EXOC6: variants seen among roughly 807,000 people sequenced by gnomAD.
EXOC6 encodes SEC15-like 1.
A neutral mutation model predicts 112.5 loss-of-function variants in EXOC6; 60 were observed. The ratio of observed to expected loss-of-function variants is 0.53; its 90% CI spans 0.43 to 0.66. EXOC6 has a LOEUF of 0.66. EXOC6 is among the 30% of genes least tolerant of loss of function. EXOC6 has a pLI of 0.00. For synonymous variants in EXOC6, 295 were observed against 308.0 expected (o/e 0.96, Z 0.44); for missense variants, 855 against 957.1 (o/e 0.89, Z 1.41).
chr10:93,041,354 T>G (rs751185457), intron 20 of EXOC6, among the ~76,000 whole-genome samples: 1 of 152,214 alleles, frequency 6.6e-6, no homozygotes, highest in Non-Finnish European at 1.5e-5. Context: ...AGAACCGAAG[T>G]GGTGAATCTG....
chr10:92,911,615 G>A (rs933403917), intron 6 of EXOC6, among the ~76,000 whole-genome samples: 6 of 152,062 alleles, frequency 3.9e-5, no homozygotes, highest in Non-Finnish European at 5.9e-5. Flanking sequence ...TTATTTCTGG[G>A]AGAGAATAGA....
intron 1 of EXOC6, among the ~76,000 whole-genome samples, chr10:92,860,289 T>G (rs1433803284): frequency 2.0e-5 from 2 of 100,994 alleles, no homozygotes; most frequent in Non-Finnish European, 3.9e-5. Context: ...TTTTTTTTTT[T>G]GAGACAGAGT....
intron 17 of EXOC6, among the ~76,000 whole-genome samples, chr10:92,958,980 G>C (rs1382640247): frequency 2.0e-5 from 3 of 152,230 alleles, no homozygotes; most frequent in Admixed American, 1.3e-4. Context: ...TGTAATCCCA[G>C]CTACTCGGGA....
chr10:92,990,639 T>A (rs1564891190), intron 18 of EXOC6, among the ~76,000 whole-genome samples: 1 of 152,176 alleles, frequency 6.6e-6, no homozygotes, highest in Admixed American at 6.5e-5. Context: ...CTATTTTAAG[T>A]TCCAGGGTAC....
At chr10:92,936,079 A>G (rs1852322072) in intron 12 of EXOC6, among the ~76,000 whole-genome samples, 194 bp downstream of exon 12, 1 of 152,212 alleles carries the variant, frequency 6.6e-6, no homozygotes, top group Non-Finnish European at 1.5e-5. Context: ...GCTTAGACAG[A>G]ACTCAGGGAT....
intron 19 of EXOC6, among the ~76,000 whole-genome samples, chr10:93,009,727 AAG>A (rs1413767913): frequency 6.6e-6 from 1 of 152,198 alleles, no homozygotes; most frequent in Non-Finnish European, 1.5e-5. Context: ...GCATCATGGA[AAG>A]AGAGTGGTAT....
intron 19 of EXOC6, among the ~76,000 whole-genome samples, chr10:93,000,370 T>C (rs1276835721): frequency 6.6e-5 from 10 of 152,186 alleles, no homozygotes; most frequent in African/African-American, 2.2e-4. Context: ...TGCCTCACTA[T>C]CCTGCCATAG....
chr10:92,935,760 ACT>A lies in EXOC6; in HGVS notation c.1141-51_1141-50del. 4.4e-6 allele frequency: 5 copies of A among 1,135,840 alleles called. No individual in the cohort carries two copies. The South Asian group carries it at 6.4e-5, about 14-fold the overall frequency. The allele number at this position is 1,135,840 out of a possible 1,614,324, so 70.4% of individuals were successfully genotyped here. On this transcript the variant is annotated intron_variant, in intron 11 of 21. Coordinates refer to ENST00000260762, the MANE Select transcript of EXOC6 (RefSeq NM_019053.6). ...TTATTTCTTAGTTTTTAATCATATG[ACT>A]CTGGTTTGTTGTTGTCGGTGTTTTG... is the stretch of plus-strand genomic sequence containing the variant.
chr10:92,900,077 G>A (rs1336980899), intron 5 of EXOC6: 1 of 155,262 alleles, frequency 6.4e-6, no homozygotes, highest in Non-Finnish European at 1.4e-5. Flanking sequence ...GTAATTTAAA[G>A]TAGTTTATTG....
intron 20 of EXOC6, among the ~76,000 whole-genome samples, chr10:93,042,612 T>A (rs1845832563): frequency 6.6e-6 from 1 of 152,258 alleles, no homozygotes; most frequent in East Asian, 1.9e-4. Flanking sequence ...TGGGAGGAAA[T>A]TTAGTAGGGC....
chr10:92,914,148 C>T (rs1850953316), intron 6 of EXOC6, among the ~76,000 whole-genome samples: 1 of 152,314 alleles, frequency 6.6e-6, no homozygotes, highest in South Asian at 2.1e-4. Context: ...GCTCCGCCTC[C>T]TGTCAGATCA....
upstream of EXOC6, among the ~76,000 whole-genome samples, chr10:92,833,439 A>C (rs941131383): frequency 2.0e-5 from 3 of 152,228 alleles, no homozygotes; most frequent in Non-Finnish European, 4.4e-5. Context: ...CTCAGAACTC[A>C]CATGCTGTTA....
In EXOC6 at chr10:93,058,428, A is replaced by G. The variant is rs888102263; in HGVS notation, c.*73A>G. 7.5e-7 allele frequency: 1 copy of G among 1,339,478 alleles called. No homozygotes were observed. The highest frequency in any genetic ancestry group is 9.9e-7 in the Non-Finnish European group (1 of 1,006,692). 83.0% of individuals were successfully genotyped at this position (1,339,478 alleles called of 1,614,324 possible). On this transcript the variant is annotated 3_prime_UTR_variant, in exon 22 of 22. Coordinates refer to ENST00000260762, the MANE Select transcript of EXOC6 (RefSeq NM_019053.6). ...TGATCTTGAGCAAGTATTGGTCATG[A>G]TACAGTAATTTGTTTACAGAATCCA...
intron 4 of EXOC6, among the ~76,000 whole-genome samples, chr10:92,896,117 A>ATGTGTG (rs1245572073): frequency 3.0e-5 from 2 of 66,296 alleles, no homozygotes; most frequent in African/African-American, 1.3e-4. Context: ...ATGTGTATAT[A>ATGTGTG]TATGTGTGTG....
At chr10:93,015,470 T>A (rs1844456015) in intron 20 of EXOC6, among the ~76,000 whole-genome samples, 1 of 152,166 alleles carries the variant, frequency 6.6e-6, no homozygotes, top group Non-Finnish European at 1.5e-5. Flanking sequence ...AGTTGCCGGC[T>A]GGGCTGTTAT....
intron 7 of EXOC6, 52 bp from the exon 8 acceptor site, chr10:92,919,930 G>C (rs1421065101): frequency 1.9e-6 from 2 of 1,075,432 alleles, no homozygotes; most frequent in East Asian, 5.1e-5. Flanking sequence ...ATTATCTAAT[G>C]GTGGTCTAAT....
chr10:92,908,738 AAT>A (rs1450314272), intron 5 of EXOC6, among the ~76,000 whole-genome samples: 2 of 152,218 alleles, frequency 1.3e-5, no homozygotes, highest in Admixed American at 6.5e-5. Flanking sequence ...TGTATATGAA[AAT>A]ATATGTCAAT....
intron 1 of EXOC6, among the ~76,000 whole-genome samples, chr10:92,883,672 A>G (rs563098525): frequency 6.6e-6 from 1 of 152,342 alleles, no homozygotes; most frequent in Admixed American, 6.5e-5. Context: ...AAAAATGCCT[A>G]TACTGGAAGA....
At chr10:92,999,304 C>G (rs750175546) in intron 19 of EXOC6, 8 of 390,648 alleles carry the variant, frequency 2.0e-5, no homozygotes, top group South Asian at 1.5e-4. Flanking sequence ...CTCAAGTCAT[C>G]CTCCTGCCTT....
Sources: gnomAD v4.1 joint callset for allele counts (sites outside exome capture counted in the v4.1 genomes callset) on GRCh38, gnomAD v4.1.1 for gene constraint, MANE v1.5 for transcripts, NCBI Gene and HGNC (gene_info 2026-07-23, HGNC 2026-07-21) for gene names.